LRCH1: variants seen among roughly 807,000 people sequenced by gnomAD.
The protein encoded by LRCH1 is leucine rich repeats and calponin homology domain containing 1.
In LRCH1, 23 loss-of-function variants were observed where a neutral mutation model predicts 94.9. The observed-to-expected ratio is 0.24, with a 90% CI of 0.17 to 0.34. The LOEUF is 0.34. Among genes scored for constraint, LRCH1 ranks in the 10% least tolerant of loss-of-function variants. The pLI, the probability that LRCH1 is intolerant of heterozygous loss-of-function variation, is 1.00. For synonymous variants in LRCH1, 364 were observed against 354.9 expected, an observed-to-expected ratio of 1.03 and a Z score of -0.29; for missense variants, 790 against 945.9, an observed-to-expected ratio of 0.84 and a Z score of 2.16.
At chr13:46,611,061 C>T (rs1052146527) in intron 1 of LRCH1, among the ~76,000 whole-genome samples, 1 of 152,058 alleles carries the variant, frequency 6.6e-6, no homozygotes, top group Non-Finnish European at 1.5e-5. Flanking sequence ...ATCTAGGGGC[C>T]TTAGATTTTT....
downstream of LRCH1, among the ~76,000 whole-genome samples, chr13:46,749,194 C>T (rs369200962): frequency 1.6e-4 from 24 of 152,162 alleles, no homozygotes; most frequent in African/African-American, 3.1e-4. Context: ...TTCAAAACAG[C>T]GCTACTCAGC....
intron 1 of LRCH1, among the ~76,000 whole-genome samples, chr13:46,575,244 G>A (rs117243456): frequency 0.017 from 2,546 of 152,108 alleles, 32 homozygotes; most frequent in Non-Finnish European, 0.027. Flanking sequence ...ACAAATAATT[G>A]TATTAATTTT....
chr13:46,653,401 G>A (rs952049658), intron 2 of LRCH1, among the ~76,000 whole-genome samples: 1 of 152,040 alleles, frequency 6.6e-6, no homozygotes, highest in Admixed American at 6.5e-5. Flanking sequence ...ATCTCACAGA[G>A]GTATTGTATA....
chr13:46,660,034 C>CTTTTTTTTTT (rs767544799), intron 2 of LRCH1, among the ~76,000 whole-genome samples: 6,915 of 103,220 alleles, frequency 0.067, 1,000 homozygotes, highest in African/African-American at 0.15. Flanking sequence ...TTAGGAGTCA[C>CTTTTTTTTTT]TTTTTTTTTT....
chr13:46,574,485 G>A (rs777303151), intron 1 of LRCH1, among the ~76,000 whole-genome samples: 4 of 152,142 alleles, frequency 2.6e-5, no homozygotes, highest in East Asian at 1.9e-4. Flanking sequence ...AGGGAAGAAC[G>A]GGGACACCAT....
intron 1 of LRCH1, among the ~76,000 whole-genome samples, chr13:46,614,494 C>A (rs75796749): frequency 6.6e-6 from 1 of 152,072 alleles, no homozygotes; most frequent in Non-Finnish European, 1.5e-5. Context: ...CATAAAAGAT[C>A]AAAAAACCCA....
intron 1 of LRCH1, among the ~76,000 whole-genome samples, chr13:46,618,361 G>A (rs1414693653): frequency 6.6e-6 from 1 of 152,182 alleles, no homozygotes; most frequent in Non-Finnish European, 1.5e-5. Context: ...TTACAGGGCA[G>A]ATCCATTTAC....
chr13:46,720,677 C>T (rs1452951677), intron 16 of LRCH1, among the ~76,000 whole-genome samples: 1 of 152,006 alleles, frequency 6.6e-6, no homozygotes, highest in Non-Finnish European at 1.5e-5. Flanking sequence ...GAAGCCTGGA[C>T]CCAGACCGTT....
intron 17 of LRCH1, among the ~76,000 whole-genome samples, chr13:46,727,791 A>T (rs561364580): frequency 1.1e-4 from 17 of 152,348 alleles, no homozygotes; most frequent in Non-Finnish European, 2.1e-4. Flanking sequence ...TCTGTGTATT[A>T]GTTCTTACAA....
chr13:46,652,061 T>G lies in LRCH1; in HGVS notation c.452+1716T>G, dbSNP rs868679202. ...GGCCACCAGGCCTGCTGATGTTTTT[T>G]TTTTTTTTTTTTTTGTTTTGTTTTG... On this transcript the variant is annotated intron_variant, in intron 2 of 19. Transcript: ENST00000389797. 1.4e-3 allele frequency among the ~76,000 whole-genome samples: 158 copies of G among 116,632 alleles called. 34 individuals are homozygous for G. The highest frequency in any genetic ancestry group is 2.6e-3 in the South Asian group (9 of 3,468). 76.5% of individuals were successfully genotyped at this position (116,632 alleles called of 152,430 possible). A position where few individuals can be genotyped will look rare whatever the true frequency, so the allele number is the denominator to read the frequency against.
chr13:46,687,020 G>A (rs959002993), intron 5 of LRCH1, among the ~76,000 whole-genome samples: 1 of 136,700 alleles, frequency 7.3e-6, no homozygotes, highest in Non-Finnish European at 1.5e-5. Flanking sequence ...GTGCAGAGGT[G>A]TGATCTTGGC....
chr13:46,605,019 T>G (rs1176609557), intron 1 of LRCH1, among the ~76,000 whole-genome samples: 1 of 152,224 alleles, frequency 6.6e-6, no homozygotes, highest in Non-Finnish European at 1.5e-5. Context: ...TATGTCATGG[T>G]GCCAGTTCTT....
chr13:46,557,542 TACGAAAAATAAAA>T (rs2050079116), intron 1 of LRCH1, among the ~76,000 whole-genome samples: 1 of 148,428 alleles, frequency 6.7e-6, no homozygotes, highest in Non-Finnish European at 1.5e-5. Flanking sequence ...ACCCCATCTC[TACGAAAAATAAAA>T]TATTAGGCCA....
chr13:46,689,433 A>T (rs191759150), intron 7 of LRCH1, among the ~76,000 whole-genome samples: 1 of 152,262 alleles, frequency 6.6e-6, no homozygotes, highest in African/African-American at 2.4e-5. Context: ...TCAAGAGTGG[A>T]GTCTGTATCT....
At chr13:46,694,835 T>C in intron 8 of LRCH1, 58 bp from the exon 9 acceptor site, 2 of 1,564,834 alleles carry the variant, frequency 1.3e-6, no homozygotes, top group East Asian at 2.2e-5. Flanking sequence ...AGATCAGCTG[T>C]GTTTTGCTCT....
At chr13:46,561,373 T>G (rs1309557757) in intron 1 of LRCH1, among the ~76,000 whole-genome samples, 3 of 152,230 alleles carry the variant, frequency 2.0e-5, no homozygotes, top group Non-Finnish European at 4.4e-5. Flanking sequence ...GGGATGAAAC[T>G]GAGCAGGAGC....
chr13:46,659,354 G>A (rs2051416383), intron 2 of LRCH1, among the ~76,000 whole-genome samples: 1 of 151,918 alleles, frequency 6.6e-6, no homozygotes, highest in South Asian at 2.1e-4. Context: ...CACCATGCCC[G>A]GCTAATTTTT....
At chr13:46,615,792 A>G (rs1049364772) in intron 1 of LRCH1, among the ~76,000 whole-genome samples, 2 of 152,184 alleles carry the variant, frequency 1.3e-5, no homozygotes, top group East Asian at 1.9e-4. Context: ...CAGCTATGAT[A>G]GTCTGTGTGG....
At chr13:46,591,551 A>C (rs1040246023) in intron 1 of LRCH1, among the ~76,000 whole-genome samples, 1 of 152,272 alleles carries the variant, frequency 6.6e-6, no homozygotes, top group Admixed American at 6.5e-5. Context: ...TTATTCAGTG[A>C]GAGCTTGAGG....
Sources: allele counts gnomAD v4.1 joint callset (sites outside exome capture counted in the v4.1 genomes callset), GRCh38; gene constraint gnomAD v4.1.1; transcripts MANE v1.5; gene names NCBI Gene and HGNC (gene_info 2026-07-23, HGNC 2026-07-21).